Variants in PPFIBP1 observed in about 807,000 individuals in gnomAD.
PPFIBP1 encodes liprin-beta-1.
Under a neutral mutation model 137.8 loss-of-function variants are expected in PPFIBP1, and 112 were observed. The ratio of observed to expected loss-of-function variants is 0.81; its 90% confidence interval spans 0.70 to 0.95. PPFIBP1 has a LOEUF of 0.95. PPFIBP1 is among the 40% of genes least tolerant of loss of function. The pLI, the probability that PPFIBP1 is intolerant of heterozygous loss-of-function variation, is 0.00. For missense variants in PPFIBP1, 1,083 were observed against 1,196.6 expected (o/e 0.91, Z 1.40); for synonymous variants, 378 against 417.3 (o/e 0.91, Z 1.15).
chr12:27,545,245 G>A (rs1287753117), intron 1 of PPFIBP1, among the ~76,000 whole-genome samples: 3 of 151,956 alleles, frequency 2.0e-5, no homozygotes, highest in Non-Finnish European at 4.4e-5. Flanking sequence ...GGGGTGGGGG[G>A]CAAAGGGAGG....
At chr12:27,553,219 G>A (rs1011328144) in intron 1 of PPFIBP1, among the ~76,000 whole-genome samples, 4 of 152,114 alleles carry the variant, frequency 2.6e-5, no homozygotes, top group Non-Finnish European at 4.4e-5. Flanking sequence ...TCAAGCTTAC[G>A]ATGACATGAA....
At chr12:27,635,870 A>T (rs1177142333) in intron 4 of PPFIBP1, 3 of 152,242 alleles carry the variant, frequency 2.0e-5, no homozygotes, top group Admixed American at 2.0e-4. Flanking sequence ...TTAATCTGTG[A>T]TGAATACATA....
chr12:27,667,248 G>GA lies in PPFIBP1; in HGVS notation c.1078dup (p.Ser360LysfsTer14). On this transcript the variant is annotated frameshift_variant, in exon 13 of 30. Coordinates refer to ENST00000228425, the MANE Select transcript of PPFIBP1 (RefSeq NM_003622.4). LOFTEE classifies it high-confidence loss of function. ...ATGCACAGGGTTTCAGTGATCTGGA[G>GA]AAAAGTCCATCACCCACTCCAGTAA... is the stretch of plus-strand genomic sequence containing the variant. The GA allele has an allele frequency of 6.2e-7, 1 of 1,613,870 alleles. No homozygotes were observed. Among genetic ancestry groups the GA allele is most frequent in the Non-Finnish European group, 8.5e-7 (1 of 1,179,864 alleles).
At chr12:27,600,717 G>A (rs1377314377) in intron 2 of PPFIBP1, among the ~76,000 whole-genome samples, 1 of 152,018 alleles carries the variant, frequency 6.6e-6, no homozygotes, top group South Asian at 2.1e-4. Context: ...TACCTTTGAG[G>A]ACAAAAACTT....
At chr12:27,653,677 T>C (rs1164926353) in intron 7 of PPFIBP1, among the ~76,000 whole-genome samples, 2 of 151,576 alleles carry the variant, frequency 1.3e-5, no homozygotes, top group Non-Finnish European at 2.9e-5. Context: ...GTAAAATAAG[T>C]CATCTCCCAT....
At chr12:27,526,692 G>A (rs1198327387) in intron 1 of PPFIBP1, among the ~76,000 whole-genome samples, 9 of 152,174 alleles carry the variant, frequency 5.9e-5, no homozygotes, top group African/African-American at 1.2e-4. Context: ...AAAAATTGCC[G>A]GGTGTGGTGG....
intron 17 of PPFIBP1, 90 bp downstream of exon 17, chr12:27,674,311 A>G (rs2060370108): frequency 3.5e-6 from 3 of 848,810 alleles, no homozygotes; most frequent in African/African-American, 3.5e-5. Context: ...AAAAACTTTC[A>G]GAACCTCTAG....
intron 1 of PPFIBP1, among the ~76,000 whole-genome samples, chr12:27,570,156 A>G (rs954241217): frequency 1.3e-5 from 2 of 152,150 alleles, no homozygotes; most frequent in Non-Finnish European, 2.9e-5. Flanking sequence ...TGAAATTTTC[A>G]CCATATATTT....
intron 2 of PPFIBP1, among the ~76,000 whole-genome samples, chr12:27,585,411 A>C (rs2051619270): frequency 2.6e-5 from 4 of 152,214 alleles, no homozygotes; most frequent in Admixed American, 2.6e-4. Flanking sequence ...TCCAGGGATG[A>C]GAGTTAATTA....
rs1284254701 is a variant in PPFIBP1, at chr12:27,625,081, G to A, written c.-35-8281G>A. Among the ~76,000 whole-genome samples, 3 of 152,038 alleles carry A rather than the reference G, an allele frequency of 2.0e-5. No individual in the cohort carries two copies. In the East Asian group the frequency reaches 5.8e-4, roughly 29 times the overall value. On this transcript the variant is annotated intron_variant, in intron 2 of 29. Transcript: ENST00000228425. ...AGCCCAGGAGTTCAAGACCAGCCTG[G>A]GCAACATGGCGAAACCCTGTCTCTA...
At chr12:27,567,866 G>A (rs1272078810) in intron 1 of PPFIBP1, among the ~76,000 whole-genome samples, 2 of 152,072 alleles carry the variant, frequency 1.3e-5, no homozygotes, top group East Asian at 3.8e-4. Flanking sequence ...CCCAAGATAA[G>A]TTTATATCCC....
intron 1 of PPFIBP1, among the ~76,000 whole-genome samples, chr12:27,558,750 C>T (rs1360360464): frequency 2.6e-5 from 4 of 152,252 alleles, no homozygotes; most frequent in East Asian, 1.9e-4. Flanking sequence ...GTTGTGTTAT[C>T]GCAAAGCTTT....
At chr12:27,602,494 A>C (rs2054106078) in intron 2 of PPFIBP1, among the ~76,000 whole-genome samples, 1 of 152,240 alleles carries the variant, frequency 6.6e-6, no homozygotes, top group South Asian at 2.1e-4. Flanking sequence ...CATGCTGTAC[A>C]TCAGATCCCC....
intron 1 of PPFIBP1, among the ~76,000 whole-genome samples, chr12:27,564,749 GC>G: frequency 6.6e-6 from 1 of 152,106 alleles, no homozygotes; most frequent in East Asian, 1.9e-4. Flanking sequence ...GGTCTCTCCT[GC>G]CTCTCTCCCT....
intron 1 of PPFIBP1, among the ~76,000 whole-genome samples, chr12:27,551,890 A>G (rs536659553): frequency 1.8e-4 from 28 of 152,246 alleles, no homozygotes; most frequent in Non-Finnish European, 3.8e-4. Context: ...ACTGTGGTTC[A>G]TAAGGAGACC....
At chr12:27,682,821 C>G (rs928395935) in intron 24 of PPFIBP1, 118 bp downstream of exon 24, 20 of 1,519,106 alleles carry the variant, frequency 1.3e-5, no homozygotes, top group Non-Finnish European at 1.6e-5. Flanking sequence ...GAAGCTGTTG[C>G]TTGAACTTGA....
intron 2 of PPFIBP1, among the ~76,000 whole-genome samples, chr12:27,626,193 CAG>C (rs1442293776): frequency 6.6e-6 from 1 of 152,058 alleles, no homozygotes; most frequent in Non-Finnish European, 1.5e-5. Flanking sequence ...AGCAGAGAAA[CAG>C]AAAACAAGGA....
chr12:27,531,919 T>G (rs1360218860), intron 1 of PPFIBP1, among the ~76,000 whole-genome samples: 1 of 152,164 alleles, frequency 6.6e-6, no homozygotes, highest in Non-Finnish European at 1.5e-5. Flanking sequence ...AGCATAGGGA[T>G]GAAGGGCGGG....
At chr12:27,667,346 T>C in intron 13 of PPFIBP1, 26 bp downstream of exon 13, 1 of 1,550,314 alleles carries the variant, frequency 6.5e-7, no homozygotes, top group Non-Finnish European at 8.7e-7. Context: ...CAGTATTTCC[T>C]TTATGTTGAA....
Sources: gnomAD v4.1 joint callset for allele counts (sites outside exome capture counted in the v4.1 genomes callset) on GRCh38, gnomAD v4.1.1 for gene constraint, MANE v1.5 for transcripts, NCBI Gene and HGNC (gene_info 2026-07-23, HGNC 2026-07-21) for gene names.